The following DNAH6 variants were observed in gnomAD, a reference collection of about 807,000 sequenced individuals.
DNAH6 encodes the protein dynein axonemal heavy chain 6.
In DNAH6, 340 loss-of-function variants were observed where a neutral mutation model predicts 491.4. The ratio of observed to expected loss-of-function variants is 0.69; its 90% CI spans 0.63 to 0.76. The LOEUF is 0.76. Ranked by LOEUF, DNAH6 falls within the 30% of genes least tolerant of loss-of-function variation. The pLI is 0.00. For missense variants in DNAH6, 4,443 were observed against 4,972.2 expected, an observed-to-expected ratio of 0.89 and a Z score of 3.20; for synonymous variants, 1,603 against 1,686.1, an observed-to-expected ratio of 0.95 and a Z score of 1.21.
At chr2:84,812,945 C>A in intron 73 of DNAH6, 113 bp from the exon 74 acceptor site, 1 of 846,834 alleles carries the variant, frequency 1.2e-6, no homozygotes, top group Non-Finnish European at 1.9e-6. Context: ...GTGACTAACT[C>A]AGGGCTGCTT....
At chr2:84,740,471 C>T (rs768468272) in intron 62 of DNAH6, among the ~76,000 whole-genome samples, 18 of 152,186 alleles carry the variant, frequency 1.2e-4, no homozygotes, top group Non-Finnish European at 2.1e-4. Context: ...AGAAGGGTGG[C>T]GGAGCAAGTG....
At chr2:84,583,286 A>G (rs1273592388) in intron 14 of DNAH6, among the ~76,000 whole-genome samples, 1 of 152,196 alleles carries the variant, frequency 6.6e-6, no homozygotes, top group Non-Finnish European at 1.5e-5. Flanking sequence ...TGCCCATCAC[A>G]CATGCCTGGA....
chr2:84,561,139 T>A (rs550013406), intron 11 of DNAH6, among the ~76,000 whole-genome samples: 1 of 152,264 alleles, frequency 6.6e-6, no homozygotes, highest in South Asian at 2.1e-4. Context: ...CTGACTTTTT[T>A]AATGATTGCC....
the DNAH6 span, among the ~76,000 whole-genome samples, chr2:84,474,637 C>T: frequency 6.6e-6 from 1 of 152,076 alleles, no homozygotes; most frequent in African/African-American, 2.4e-5. Context: ...AAGTCTTTAC[C>T]CCATAAATTA....
At chr2:84,523,947 A>G (rs1331435345) in intron 2 of DNAH6, among the ~76,000 whole-genome samples, 1 of 152,104 alleles carries the variant, frequency 6.6e-6, no homozygotes, top group Non-Finnish European at 1.5e-5. Context: ...AGAGTTCTGT[A>G]GAGGTCTATC....
Position 84,722,682 on chromosome 2 carries a change from A to G in DNAH6, c.9850A>G (p.Ile3284Val), listed in dbSNP as rs1290285291. ...LEEAESTEQM[I>V]NVAREKYRPV... ...AGAAGCAGAGTCCACTGAGCAGATGATCAATGTGGCTCGTGAGAAGTATCG... is the reference window on the plus strand; with the variant it reads ...AGAAGCAGAGTCCACTGAGCAGATGGTCAATGTGGCTCGTGAGAAGTATCG... The change falls in exon 60 of 77, where the codon ATC (isoleucine) becomes GTC (valine). Residue 3284 changes from isoleucine (I) to valine (V), a missense_variant. Transcript: ENST00000389394. The G allele has an allele frequency of 6.4e-7, 1 of 1,550,672 alleles. No homozygotes were observed.
the DNAH6 span, among the ~76,000 whole-genome samples, chr2:84,503,647 T>C: frequency 6.6e-6 from 1 of 151,994 alleles, no homozygotes; most frequent in East Asian, 1.9e-4. Context: ...TGTTTGATGG[T>C]GGATATTTTC....
intron 4 of DNAH6, among the ~76,000 whole-genome samples, chr2:84,543,527 A>G (rs755769416): frequency 6.6e-6 from 1 of 152,230 alleles, no homozygotes; most frequent in Non-Finnish European, 1.5e-5. Flanking sequence ...TATAGCTAAA[A>G]TTACAGAGAA....
intron 18 of DNAH6, among the ~76,000 whole-genome samples, chr2:84,597,643 G>A (rs1295338967): frequency 3.9e-5 from 6 of 152,182 alleles, no homozygotes; most frequent in Admixed American, 1.3e-4. Context: ...GTGTGTTCAC[G>A]CAGAAACTTC....
At chr2:84,715,191 G>T (rs77917910) in intron 57 of DNAH6, among the ~76,000 whole-genome samples, 4,204 of 152,124 alleles carry the variant, frequency 0.028, 209 homozygotes, top group African/African-American at 0.096. Context: ...GGAAACTAAA[G>T]CTCAGCACAG....
chr2:84,529,237 A>T, intron 4 of DNAH6, 71 bp downstream of exon 4: 1 of 1,133,426 alleles, frequency 8.8e-7, no homozygotes, highest in Non-Finnish European at 1.2e-6. Context: ...TTTATAATTG[A>T]TTGGATATTA....
intron 15 of DNAH6, 90 bp from the exon 16 acceptor site, chr2:84,588,736 C>G: frequency 8.6e-7 from 1 of 1,164,194 alleles, no homozygotes; most frequent in South Asian, 2.1e-5. Context: ...AGAAAGGAAT[C>G]TTTTTAAAAA....
chr2:84,713,069 T>C, intron 56 of DNAH6, 26 bp from the exon 57 acceptor site: 1 of 1,531,526 alleles, frequency 6.5e-7, no homozygotes, highest in Non-Finnish European at 8.8e-7. Flanking sequence ...CTTTTTGTAT[T>C]GTCCTGTTTT....
Position 84,577,349 on chromosome 2 carries a change from C to T in DNAH6, c.2017C>T (p.Leu673Phe). ...LRPTRNVGLL[L>F]IDTRLLREKL... The stretch of plus-strand genomic sequence containing the variant: ...ACCCACCAGAAATGTAGGATTGCTG[C>T]TCATTGATACTAGGCTTCTAAGAGA... The change falls in exon 13 of 77, where the codon CTC becomes TTC. Residue 673 changes from leucine (L) to phenylalanine (F), a missense_variant. Leu to Phe is a conservative substitution (Grantham distance 22). Around this residue, in one of 3 missense-constraint regions of DNAH6, gnomAD observed 2,977 missense variants for 3,296.6 expected, o/e 0.90. Coordinates refer to ENST00000389394, the MANE Select transcript of DNAH6 (RefSeq NM_001370.2). 6.2e-7 allele frequency: 1 copy of T among 1,611,976 alleles called. No individual in the cohort carries two copies. Among genetic ancestry groups the T allele is most frequent in the South Asian group, 1.1e-5 (1 of 90,658 alleles).
chr2:84,787,156 C>T lies in DNAH6; in HGVS notation c.11101-8C>T. On this transcript the variant is annotated splice_polypyrimidine_tract_variant and splice_region_variant and intron_variant, in intron 67 of 76. Coordinates refer to ENST00000389394, the MANE Select transcript of DNAH6 (RefSeq NM_001370.2). The stretch of plus-strand genomic sequence containing the variant: ...TTTATTTCAGATCATTTTCATTTTT[C>T]ATTTTAGGAGAGAAAGAAGTTTGGC... The T allele has an allele frequency of 6.8e-7, 1 of 1,471,944 alleles. No homozygotes were observed. The highest frequency in any genetic ancestry group is 9.0e-7 in the Non-Finnish European group (1 of 1,107,782). The allele number at this position is 1,471,944 out of a possible 1,614,324, so 91.2% of individuals were successfully genotyped here.
chr2:84,498,122 T>A, the DNAH6 span, among the ~76,000 whole-genome samples: 49 of 152,204 alleles, frequency 3.2e-4, no homozygotes, highest in African/African-American at 1.2e-3. Context: ...TTGTCCTGAA[T>A]CTCTGTGCTT....
chr2:84,743,132 G>T (rs1315021172), intron 62 of DNAH6, among the ~76,000 whole-genome samples: 1 of 151,120 alleles, frequency 6.6e-6, no homozygotes, highest in Non-Finnish European at 1.5e-5. Flanking sequence ...CAGACCCAAA[G>T]CAGAAAGGGC....
At chr2:84,602,356 GA>G (rs1337584809) in intron 18 of DNAH6, among the ~76,000 whole-genome samples, 1 of 151,912 alleles carries the variant, frequency 6.6e-6, no homozygotes, top group Non-Finnish European at 1.5e-5. Flanking sequence ...ATATAATTCT[GA>G]GACAACAGTT....
At chr2:84,597,112 C>A (rs1483815378) in intron 18 of DNAH6, among the ~76,000 whole-genome samples, 1 of 152,156 alleles carries the variant, frequency 6.6e-6, no homozygotes, top group Non-Finnish European at 1.5e-5. Context: ...TTCCACACAA[C>A]CACTGATCTG....
Sources: gnomAD v4.1 joint callset for allele counts (sites outside exome capture counted in the v4.1 genomes callset) on GRCh38, gnomAD v4.1.1 for gene constraint, gnomAD v4.1.1 regional missense constraint, MANE v1.5 for transcripts, NCBI Gene and HGNC (gene_info 2026-07-23, HGNC 2026-07-21) for gene names.